Variants in CYP3A43 observed in about 807,000 individuals in gnomAD.
CYP3A43 encodes cytochrome P450 3A43.
Under a neutral mutation model 58.0 loss-of-function variants are expected in CYP3A43, and 45 were observed. That is an observed-to-expected ratio of 0.78 (90% CI 0.61 to 0.99). The LOEUF (loss-of-function observed/expected upper bound fraction) is 0.99, where lower values mean the gene tolerates loss of function less well. CYP3A43 is among the 50% of genes least tolerant of loss of function. CYP3A43 has a pLI of 0.00. For synonymous variants in CYP3A43, 191 were observed against 201.4 expected, an observed-to-expected ratio of 0.95 and a Z score of 0.44; for missense variants, 593 against 591.9, an observed-to-expected ratio of 1.00 and a Z score of -0.02.
chr7:99,861,984 T>G, intron 11 of CYP3A43, 145 bp downstream of exon 11: 1 of 680,948 alleles, frequency 1.5e-6, no homozygotes, highest in Non-Finnish European at 2.4e-6. Context: ...TGTTAAACTT[T>G]ACAAACCATA....
chr7:99,865,603 A>T (rs1045418466), intron 12 of CYP3A43, among the ~76,000 whole-genome samples: 1 of 148,744 alleles, frequency 6.7e-6, no homozygotes, highest in Non-Finnish European at 1.5e-5. Flanking sequence ...TTGATTTTTT[A>T]AAATATCTCT....
chr7:99,837,120 A>G (rs1817116800), intron 2 of CYP3A43, among the ~76,000 whole-genome samples: 1 of 148,204 alleles, frequency 6.7e-6, no homozygotes, highest in Non-Finnish European at 1.5e-5. Context: ...CCTGGCTAAC[A>G]CGGTGAAACC....
chr7:99,837,584 A>T (rs1189647317), intron 2 of CYP3A43, among the ~76,000 whole-genome samples: 1 of 152,212 alleles, frequency 6.6e-6, no homozygotes, highest in Non-Finnish European at 1.5e-5. Context: ...AGTGCTTATA[A>T]TGAAGACAAT....
At chr7:99,858,867 T>C (rs1288041492) in intron 9 of CYP3A43, among the ~76,000 whole-genome samples, 3 of 151,876 alleles carry the variant, frequency 2.0e-5, no homozygotes, top group African/African-American at 7.3e-5. Flanking sequence ...TGTGGGTTTT[T>C]TTGTAATTTT....
At position 99,856,918 on chromosome 7, in the gene CYP3A43, T is replaced by G. The variant is rs1818004289; in HGVS notation, c.865+19T>G. On this transcript the variant is annotated intron_variant, in intron 9 of 12. Coordinates refer to ENST00000354829, the MANE Select transcript of CYP3A43 (RefSeq NM_057095.3). ...CATAAAGGTAACCAAGAACTGCATC[T>G]GGGGGCTACTGATGGGGACACTCAG... 1 of 1,609,958 alleles carries G rather than the reference T, an allele frequency of 6.2e-7. No individual in the cohort carries two copies. Among genetic ancestry groups the G allele is most frequent in the Non-Finnish European group, 8.5e-7 (1 of 1,178,546 alleles).
At chr7:99,841,950 CCTCT>C (rs751733307) in intron 3 of CYP3A43, among the ~76,000 whole-genome samples, 7 of 151,762 alleles carry the variant, frequency 4.6e-5, no homozygotes, top group Non-Finnish European at 1.0e-4. Context: ...ACCTTCCCAG[CCTCT>C]CTCTCTCTAT....
intron 8 of CYP3A43, among the ~76,000 whole-genome samples, chr7:99,856,571 C>T (rs1817988773): frequency 6.6e-6 from 1 of 152,134 alleles, no homozygotes; most frequent in Admixed American, 6.5e-5. Context: ...GTCCAAAGGC[C>T]AGAGAAGCTG....
intron 3 of CYP3A43, among the ~76,000 whole-genome samples, chr7:99,839,918 A>G (rs1302725451): frequency 2.0e-5 from 3 of 152,170 alleles, no homozygotes; most frequent in African/African-American, 7.2e-5. Context: ...ATCTTTTATT[A>G]TGCAGATGGT....
chr7:99,855,936 T>G (rs1817961135), intron 8 of CYP3A43, among the ~76,000 whole-genome samples: 1 of 152,196 alleles, frequency 6.6e-6, no homozygotes. Flanking sequence ...AGGCATGACT[T>G]TAGTATATTA....
At chr7:99,859,678 A>G in intron 9 of CYP3A43, 152 bp from the exon 10 acceptor site, 1 of 931,846 alleles carries the variant, frequency 1.1e-6, no homozygotes, top group Non-Finnish European at 1.6e-6. Context: ...TGTAGGATAC[A>G]CATCAGAGTG....
intron 6 of CYP3A43, among the ~76,000 whole-genome samples, chr7:99,848,492 C>A (rs977737222): frequency 6.6e-6 from 1 of 152,148 alleles, no homozygotes; most frequent in Non-Finnish European, 1.5e-5. Flanking sequence ...GTTACATTGT[C>A]CCCTTGGATA....
In CYP3A43 at chr7:99,828,049, C is replaced by A; in HGVS notation, c.-67C>A. ...GAGAAACAAAGCTCTATATGCACAGCCCAGCAAAGAGCAGCACACAGCTGA... is the reference window on the plus strand; with the variant it reads ...GAGAAACAAAGCTCTATATGCACAGACCAGCAAAGAGCAGCACACAGCTGA... On this transcript the variant is annotated 5_prime_UTR_variant, in exon 1 of 13. Coordinates refer to ENST00000354829, the MANE Select transcript of CYP3A43 (RefSeq NM_057095.3). 1 of 1,360,598 alleles carries A rather than the reference C, an allele frequency of 7.3e-7. No homozygotes were observed. The highest frequency in any genetic ancestry group is 1.0e-6 in the Non-Finnish European group (1 of 959,080). The allele number at this position is 1,360,598 out of a possible 1,614,324, so 84.3% of individuals were successfully genotyped here.
chr7:99,865,634 A>C (rs1334656004), intron 12 of CYP3A43, among the ~76,000 whole-genome samples: 1 of 148,728 alleles, frequency 6.7e-6, no homozygotes, highest in Non-Finnish European at 1.5e-5. Context: ...TTTAAATAAA[A>C]AGGAACAGAA....
rs1003871687 is a variant in CYP3A43, at chr7:99,866,065, T to C, written c.*64T>C. On this transcript the variant is annotated 3_prime_UTR_variant, in exon 13 of 13. Coordinates refer to ENST00000354829, the MANE Select transcript of CYP3A43 (RefSeq NM_057095.3). Reference sequence around the variant, plus strand: ...ATCCCAGAACACTAGACACTTCAAATTGTTTTGTGAATAAAACTCAGAAAT... The same window carrying C: ...ATCCCAGAACACTAGACACTTCAAACTGTTTTGTGAATAAAACTCAGAAAT... 2 of 1,026,996 alleles carry C rather than the reference T, an allele frequency of 1.9e-6. No homozygotes were observed. Among genetic ancestry groups the C allele is most frequent in the African/African-American group, 1.6e-5 (1 of 60,896 alleles). The allele number at this position is 1,026,996 out of a possible 1,614,324, so 63.6% of individuals were successfully genotyped here.
At chr7:99,854,154 C>T (rs911204404) in intron 7 of CYP3A43, among the ~76,000 whole-genome samples, 2 of 152,034 alleles carry the variant, frequency 1.3e-5, no homozygotes, top group Non-Finnish European at 2.9e-5. Context: ...TTACCTCCCC[C>T]GCCCCCACTA....
chr7:99,861,781 T>G lies in CYP3A43; in HGVS notation c.1195T>G (p.Tyr399Asp), dbSNP rs1345005945. The change falls in exon 11 of 13, where the codon TAT becomes GAT. Residue 399 changes from tyrosine (Y) to aspartate (D), a missense_variant. Coordinates refer to ENST00000354829, the MANE Select transcript of CYP3A43 (RefSeq NM_057095.3). ...PKGLAVMVPIYALHHDPKYWT... is the reference protein window; with the variant it reads ...PKGLAVMVPIDALHHDPKYWT... ...AGGGTTAGCAGTGATGGTTCCAATC[T>G]ATGCTCTTCACCATGACCCAAAGTA... is the stretch of plus-strand genomic sequence containing the variant. 6.2e-7 allele frequency: 1 copy of G among 1,614,072 alleles called. No homozygotes were observed. Among genetic ancestry groups the G allele is most frequent in the Non-Finnish European group, 8.5e-7 (1 of 1,180,032 alleles).
rs145433087 is a variant in CYP3A43, at chr7:99,828,149, T to C, written c.34T>C (p.Trp12Arg). 68 of 1,613,056 alleles carry C rather than the reference T, an allele frequency of 4.2e-5. No homozygotes were observed. The African/African-American group carries it at 8.1e-4, about 19-fold the overall frequency. The change falls in exon 1 of 13, where the codon TGG (tryptophan) becomes CGG (arginine). Residue 12 changes from tryptophan (W) to arginine (R), a missense_variant. Transcript: ENST00000354829. ...DLIPNFAMET[W>R]VLVATSLVLL... is the part of the protein sequence containing the mutation. ...CATTCCAAACTTTGCCATGGAAACA[T>C]GGGTTCTTGTGGCTACCAGCCTGGT...
intron 3 of CYP3A43, among the ~76,000 whole-genome samples, chr7:99,843,222 T>G (rs1000182365): frequency 1.3e-5 from 2 of 151,992 alleles, no homozygotes; most frequent in African/African-American, 4.8e-5. Flanking sequence ...CTACACACTC[T>G]CCTTCTTCTC....
At position 99,834,039 on chromosome 7, in the gene CYP3A43, C is replaced by T. The variant is rs112658805; in HGVS notation, c.72-2414C>T. 1.4e-3 allele frequency among the ~76,000 whole-genome samples: 219 copies of T among 152,224 alleles called. 1 individual carries two copies. The highest frequency in any genetic ancestry group is 4.7e-3 in the African/African-American group (196 of 41,544). ...AGCTGTGATTTTCATGACAGCTAGG[C>T]CATTATCATCGATTTCTAAGCAACA... On this transcript the variant is annotated intron_variant, in intron 1 of 12. Transcript: ENST00000354829.
Sources: allele counts gnomAD v4.1 joint callset (sites outside exome capture counted in the v4.1 genomes callset), GRCh38; gene constraint gnomAD v4.1.1; transcripts MANE v1.5; gene names NCBI Gene and HGNC (gene_info 2026-07-23, HGNC 2026-07-21).